Variants in EPRS1 observed in about 807,000 individuals in gnomAD.
EPRS1 encodes the protein glutamyl-prolyl-tRNA synthetase 1, also known as bifunctional glutamate/proline--tRNA ligase.
In EPRS1, 107 loss-of-function variants were observed where a neutral mutation model predicts 188.3. The observed-to-expected ratio is 0.57, with a 90% CI of 0.49 to 0.67. EPRS1 has a LOEUF of 0.67. EPRS1 is among the 30% of genes least tolerant of loss of function. EPRS1 has a pLI of 0.00. For missense variants in EPRS1, 1,577 were observed against 1,802.2 expected (o/e 0.88, Z 2.26); for synonymous variants, 596 against 593.1 (o/e 1.00, Z -0.07).
intron 1 of EPRS1, among the ~76,000 whole-genome samples, chr1:220,042,181 C>CCA (rs1662308700): frequency 3.5e-4 from 22 of 62,666 alleles, no homozygotes; most frequent in African/African-American, 1.1e-3. Context: ...ACTCCGTCCC[C>CCA]AAAAAAAAAA....
chr1:219,983,079 T>A (rs1660930261), intron 22 of EPRS1, 110 bp downstream of exon 22: 1 of 932,164 alleles, frequency 1.1e-6, no homozygotes, highest in Admixed American at 2.7e-5. Context: ...AAACAGAACT[T>A]TTTAATAAAA....
chr1:219,984,310 G>A lies in EPRS1; in HGVS notation c.3039-53C>T. The A allele has an allele frequency of 3.1e-6, 4 of 1,291,806 alleles. No individual in the cohort carries two copies. In the South Asian group the frequency reaches 3.6e-5, roughly 12 times the overall value. 80.0% of individuals were successfully genotyped at this position (1,291,806 alleles called of 1,614,324 possible). A position where few individuals can be genotyped will look rare whatever the true frequency, so the allele number is the denominator to read the frequency against. On this transcript the variant is annotated intron_variant, in intron 20 of 31. Transcript: ENST00000366923. ...TATCTTCATTCAGCAACTGCTTTAG[G>A]TTGAATAAAAATAAACCTCTAAAGT... is the stretch of plus-strand genomic sequence containing the variant.
chr1:220,002,513 C>T (rs182396322), intron 16 of EPRS1, among the ~76,000 whole-genome samples: 1 of 152,148 alleles, frequency 6.6e-6, no homozygotes, highest in Admixed American at 6.5e-5. Flanking sequence ...GTCTACATAC[C>T]ACACCTAATC....
At chr1:219,977,837 T>C (rs1477068142) in intron 28 of EPRS1, among the ~76,000 whole-genome samples, 1 of 152,164 alleles carries the variant, frequency 6.6e-6, no homozygotes, top group East Asian at 1.9e-4. Flanking sequence ...TGAGCTTCCA[T>C]AGTTTGAAAG....
At chr1:219,989,561 C>T (rs1392579983) in intron 18 of EPRS1, among the ~76,000 whole-genome samples, 1 of 152,154 alleles carries the variant, frequency 6.6e-6, no homozygotes, top group Non-Finnish European at 1.5e-5. Flanking sequence ...CCAAATCACC[C>T]TATCCAATTT....
At chr1:220,007,179 GA>G in intron 14 of EPRS1, 22 bp downstream of exon 14, 1 of 1,588,542 alleles carries the variant, frequency 6.3e-7, no homozygotes, top group Non-Finnish European at 8.6e-7. Flanking sequence ...ATGTTTATTT[GA>G]AAACAAACAA....
chr1:220,009,357 A>C (rs1661556892), intron 13 of EPRS1, among the ~76,000 whole-genome samples: 4 of 152,340 alleles, frequency 2.6e-5, no homozygotes, highest in South Asian at 4.1e-4. Flanking sequence ...CTTGGCTACT[A>C]GTATATGCGT....
At position 220,046,256 on chromosome 1, in the gene EPRS1, C is replaced by A. The variant is rs1030968649; in HGVS notation, c.46+87G>T. The stretch of plus-strand genomic sequence containing the variant: ...ACATCCCAGATGGTGACCACCACTG[C>A]GCAAAGCCGGGGCGCAGCGACCTTC... On this transcript the variant is annotated intron_variant, in intron 1 of 31. Coordinates refer to ENST00000366923, the MANE Select transcript of EPRS1 (RefSeq NM_004446.3). 1.2e-5 allele frequency: 19 copies of A among 1,540,972 alleles called. No homozygotes were observed. The South Asian group carries it at 2.0e-4, about 17-fold the overall frequency.
chr1:220,014,173 C>T (rs753682862), intron 12 of EPRS1, among the ~76,000 whole-genome samples: 5 of 151,928 alleles, frequency 3.3e-5, no homozygotes, highest in Non-Finnish European at 7.4e-5. Context: ...ACTAAAAATA[C>T]AAAAATTAGC....
Position 219,978,583 on chromosome 1 carries a change from T to C in EPRS1, c.4046A>G (p.Tyr1349Cys), listed in dbSNP as rs1660823277. ...GTGATTGAATTTCCAACCTGGAGAATAATTATCTCGTAAATCAGCTCTAAC... is the reference window on the plus strand; with the variant it reads ...GTGATTGAATTTCCAACCTGGAGAACAATTATCTCGTAAATCAGCTCTAAC... ...IRVRADLRDN[Y>C]SPGWKFNHWE... Residue 1349 changes from tyrosine to cysteine, a missense_variant, in exon 28 of 32, where the codon TAT (tyrosine) becomes TGT (cysteine). This residue lies in a region of EPRS1 where 296 missense variants were observed against 327.9 expected (regional missense o/e 0.90). Transcript: ENST00000366923. 1 of 1,593,250 alleles carries C rather than the reference T, an allele frequency of 6.3e-7. No homozygotes were observed. The highest frequency in any genetic ancestry group is 8.6e-7 in the Non-Finnish European group (1 of 1,168,200).
At position 219,983,303 on chromosome 1, in the gene EPRS1, G is replaced by C. The variant is rs1660934913; in HGVS notation, c.3186C>G (p.Asp1062Glu). 5.0e-6 allele frequency: 8 copies of C among 1,613,602 alleles called. No homozygotes were observed. The East Asian group carries it at 1.8e-4, about 36-fold the overall frequency. ...GTTTCTTGATCTCAGCATCAAAAAA[G>C]TCCTTGATGGCTTCCCAAATGGCAT... Reference protein sequence around the residue: ...WAYAIWEAIKDFFDAEIKKLG... With the variant: ...WAYAIWEAIKEFFDAEIKKLG... The change falls in exon 22 of 32, where the codon GAC (aspartate) becomes GAG (glutamate). Residue 1062 changes from aspartate (D) to glutamate (E), a missense_variant. Asp to Glu is a conservative substitution (Grantham distance 45, BLOSUM62 2). Coordinates refer to ENST00000366923, the MANE Select transcript of EPRS1 (RefSeq NM_004446.3).
intron 2 of EPRS1, 58 bp downstream of exon 2, chr1:220,040,127 A>C: frequency 8.8e-7 from 1 of 1,141,604 alleles, no homozygotes; most frequent in Non-Finnish European, 1.3e-6. Context: ...CTCTAAAAAA[A>C]CTCTAAAAAA....
Position 219,969,134 on chromosome 1 carries a change from A to C in EPRS1, c.4324-12T>G. 1 of 1,555,890 alleles carries C rather than the reference A, an allele frequency of 6.4e-7. No homozygotes were observed. The highest frequency in any genetic ancestry group is 8.9e-7 in the Non-Finnish European group (1 of 1,127,484). ...GGAATCTGAACAATCTAATTAAGAAAAGGAAAAGTAATCAGTATTTATAAC... is the reference window on the plus strand; with the variant it reads ...GGAATCTGAACAATCTAATTAAGAACAGGAAAAGTAATCAGTATTTATAAC... On this transcript the variant is annotated splice_polypyrimidine_tract_variant and intron_variant, in intron 30 of 31. Transcript: ENST00000366923.
At chr1:219,973,460 T>A in intron 28 of EPRS1, 62 bp from the exon 29 acceptor site, 1 of 1,133,698 alleles carries the variant, frequency 8.8e-7, no homozygotes, top group Non-Finnish European at 1.2e-6. Context: ...TATACAGATG[T>A]AATTCATGGC....
chr1:219,986,282 C>T (rs948752741), intron 20 of EPRS1, among the ~76,000 whole-genome samples: 1 of 152,194 alleles, frequency 6.6e-6, no homozygotes, highest in Non-Finnish European at 1.5e-5. Flanking sequence ...GACATGAATA[C>T]ATTTTCAGAA....
rs948171696 is a variant in EPRS1, at chr1:220,005,425, T to C, written c.1951-65A>G. 8.5e-6 allele frequency: 7 copies of C among 822,044 alleles called. No individual in the cohort carries two copies. The Admixed American group carries it at 1.7e-4, about 20-fold the overall frequency. The allele number at this position is 822,044 out of a possible 1,614,324, so 50.9% of individuals were successfully genotyped here. On this transcript the variant is annotated intron_variant, in intron 15 of 31. Coordinates refer to ENST00000366923, the MANE Select transcript of EPRS1 (RefSeq NM_004446.3). ...TCATAGTAGTAAAATAACTCTAAAA[T>C]GCAAGCAGTTTCCACTAACTAAAAT...
chr1:220,046,492 CCGCCGCAGCCTTCGCTCCGCCCCTG>C (rs1258159890), exon 1 of EPRS1: 69 of 1,525,190 alleles, frequency 4.5e-5, no homozygotes, highest in South Asian at 7.3e-5. Flanking sequence ...GTACCCGACG[CCGCCGCAGCCTTCGCTCCGCCCCTG>C]CGCCGCAGCT....
At chr1:220,004,745 A>T (rs546473510) in intron 16 of EPRS1, among the ~76,000 whole-genome samples, 23 of 152,280 alleles carry the variant, frequency 1.5e-4, no homozygotes, top group African/African-American at 5.5e-4. Flanking sequence ...GATATCACTT[A>T]AAAAAATAGC....
At position 220,005,238 on chromosome 1, in the gene EPRS1, AT is replaced by A; in HGVS notation, c.2063+9del. 7.9e-7 allele frequency: 1 copy of A among 1,270,310 alleles called. No individual in the cohort carries two copies. The highest frequency in any genetic ancestry group is 1.1e-6 in the Non-Finnish European group (1 of 904,648). The allele number at this position is 1,270,310 out of a possible 1,614,324, so 78.7% of individuals were successfully genotyped here. ...CATTTTCATTTAGACGTTCAGTTAC[AT>A]TTACTTACCTAACAGGTTCATAAGG... is the stretch of plus-strand genomic sequence containing the variant. On this transcript the variant is annotated intron_variant, in intron 16 of 31. Coordinates refer to ENST00000366923, the MANE Select transcript of EPRS1 (RefSeq NM_004446.3).
Sources: allele counts gnomAD v4.1 joint callset (sites outside exome capture counted in the v4.1 genomes callset), GRCh38; gene constraint gnomAD v4.1.1; regional missense constraint gnomAD v4.1.1; transcripts MANE v1.5; gene names NCBI Gene and HGNC (gene_info 2026-07-23, HGNC 2026-07-21).